The following KIAA1549L variants were observed in gnomAD, a reference collection of about 807,000 sequenced individuals.
The protein encoded by KIAA1549L is UPF0606 protein KIAA1549L.
A neutral mutation model predicts 160.7 loss-of-function variants in KIAA1549L; 88 were observed. The ratio of observed to expected loss-of-function variants is 0.55; its 90% CI spans 0.46 to 0.65. The LOEUF (loss-of-function observed/expected upper bound fraction) is 0.65. KIAA1549L is among the 30% of genes least tolerant of loss of function. The pLI is 0.00. For synonymous variants in KIAA1549L, 950 were observed against 976.7 expected, an observed-to-expected ratio of 0.97 and a Z score of 0.51; for missense variants, 2,258 against 2,437.5, an observed-to-expected ratio of 0.93 and a Z score of 1.55.
At chr11:33,438,847 GTTTT>G (rs35955927) in intron 1 of KIAA1549L, among the ~76,000 whole-genome samples, 9,854 of 139,564 alleles carry the variant, frequency 0.071, 392 homozygotes, top group East Asian at 0.17. Flanking sequence ...GGATTTGAAG[GTTTT>G]TTTTTTTTTT....
chr11:33,670,308 A>T lies in KIAA1549L; in HGVS notation c.*2154A>T, dbSNP rs1852629494. The T allele has an allele frequency of 6.6e-6, 1 of 152,228 alleles. No homozygotes were observed. Among genetic ancestry groups the T allele is most frequent in the South Asian group, 2.1e-4 (1 of 4,832 alleles). The allele number at this position is 152,228 out of a possible 1,614,324, so 9.4% of individuals were successfully genotyped here. ...ATTGAAGTATACGTAAATGTTTCAGAAGACAGTGTCTGAAATTTGGCTGTT... is the reference window on the plus strand; with the variant it reads ...ATTGAAGTATACGTAAATGTTTCAGTAGACAGTGTCTGAAATTTGGCTGTT... On this transcript the variant is annotated 3_prime_UTR_variant, in exon 21 of 21. Coordinates refer to ENST00000658780, the MANE Select transcript of KIAA1549L (RefSeq NM_012194.3).
intron 16 of KIAA1549L, among the ~76,000 whole-genome samples, chr11:33,639,451 A>G (rs1851529156): frequency 6.6e-6 from 1 of 152,204 alleles, no homozygotes; most frequent in Non-Finnish European, 1.5e-5. Flanking sequence ...CTCCAAAACT[A>G]TAATTACGTG....
At chr11:33,381,774 A>AG (rs1312390065) in intron 1 of KIAA1549L, among the ~76,000 whole-genome samples, 1 of 152,188 alleles carries the variant, frequency 6.6e-6, no homozygotes, top group Non-Finnish European at 1.5e-5. Context: ...TGGCTTAGAG[A>AG]GGGTGGTAGC....
At chr11:33,384,467 G>T (rs1850132836) in intron 1 of KIAA1549L, among the ~76,000 whole-genome samples, 1 of 152,140 alleles carries the variant, frequency 6.6e-6, no homozygotes, top group Non-Finnish European at 1.5e-5. Flanking sequence ...GGGTGGGATT[G>T]CTTGGTCATG....
intron 1 of KIAA1549L, among the ~76,000 whole-genome samples, chr11:33,483,356 G>A (rs907556182): frequency 2.0e-5 from 3 of 152,258 alleles, no homozygotes; most frequent in Admixed American, 6.5e-5. Context: ...TTGGGAAGGC[G>A]AACCTTGAGC....
rs34208718 is a variant in KIAA1549L, at chr11:33,408,489, G to GTGTATATATA, written c.238+31601_238+31602insGTATATATAT. On this transcript the variant is annotated intron_variant, in intron 1 of 20. Transcript: ENST00000658780. ...ATATATATACATACTCTGTATATGT[G>GTGTATATATA]TATATATATATATATATATATACAC... Among the ~76,000 whole-genome samples the GTGTATATATA allele has an allele frequency of 3.7e-3, 460 of 123,036 alleles. 4 individuals carry two copies. Among genetic ancestry groups the GTGTATATATA allele is most frequent in the South Asian group, 0.021 (86 of 4,044 alleles). The allele number at this position is 123,036 out of a possible 152,430, so 80.7% of individuals were successfully genotyped here.
chr11:33,637,729 C>T (rs988443002), intron 16 of KIAA1549L, among the ~76,000 whole-genome samples: 2 of 152,214 alleles, frequency 1.3e-5, no homozygotes, highest in African/African-American at 4.8e-5. Context: ...TTCATATCGG[C>T]TTCCCTTTGT....
intron 1 of KIAA1549L, among the ~76,000 whole-genome samples, chr11:33,435,996 AAAT>A (rs1851372817): frequency 6.7e-6 from 1 of 149,178 alleles, no homozygotes; most frequent in Non-Finnish European, 1.5e-5. Flanking sequence ...AAAATGATAC[AAAT>A]AATAAACTAA....
At chr11:33,438,000 T>C (rs1371663466) in intron 1 of KIAA1549L, among the ~76,000 whole-genome samples, 1 of 152,206 alleles carries the variant, frequency 6.6e-6, no homozygotes, top group Non-Finnish European at 1.5e-5. Flanking sequence ...TCTCCAGCCC[T>C]GTCCAGACCA....
chr11:33,602,404 A>C (rs1850388468), intron 13 of KIAA1549L, among the ~76,000 whole-genome samples: 1 of 152,238 alleles, frequency 6.6e-6, no homozygotes, highest in South Asian at 2.1e-4. Flanking sequence ...TTATCTAATA[A>C]ATAATACTAG....
At chr11:33,592,268 C>A (rs542290037) in intron 12 of KIAA1549L, among the ~76,000 whole-genome samples, 1 of 152,108 alleles carries the variant, frequency 6.6e-6, no homozygotes, top group African/African-American at 2.4e-5. Flanking sequence ...ATCTAGGCAA[C>A]GGGGAGCCAC....
chr11:33,443,254 C>T (rs985752285), intron 1 of KIAA1549L, among the ~76,000 whole-genome samples: 4 of 152,078 alleles, frequency 2.6e-5, no homozygotes, highest in African/African-American at 9.7e-5. Flanking sequence ...CCTGCCTTGG[C>T]CTCCCACAGT....
chr11:33,475,368 A>G (rs1047522055), intron 1 of KIAA1549L, among the ~76,000 whole-genome samples: 5 of 152,176 alleles, frequency 3.3e-5, no homozygotes, highest in African/African-American at 7.2e-5. Flanking sequence ...ACAAAAGTGC[A>G]TATCAGATTT....
chr11:33,524,851 A>G (rs979247399), intron 1 of KIAA1549L, among the ~76,000 whole-genome samples: 3 of 152,208 alleles, frequency 2.0e-5, no homozygotes, highest in African/African-American at 7.2e-5. Context: ...GCTTGTAAAA[A>G]TAAGCAGACT....
At chr11:33,529,430 C>T (rs1457528357) in intron 1 of KIAA1549L, among the ~76,000 whole-genome samples, 1 of 152,068 alleles carries the variant, frequency 6.6e-6, no homozygotes, top group Non-Finnish European at 1.5e-5. Context: ...ATCATGATAA[C>T]AAATGTTTAT....
intron 1 of KIAA1549L, among the ~76,000 whole-genome samples, chr11:33,429,187 G>T (rs377412780): frequency 6.6e-6 from 1 of 152,136 alleles, no homozygotes; most frequent in Admixed American, 6.5e-5. Flanking sequence ...GGCCAGGCTG[G>T]TCTCAAACTC....
intron 1 of KIAA1549L, among the ~76,000 whole-genome samples, chr11:33,422,027 A>G (rs1039539121): frequency 6.6e-6 from 1 of 152,110 alleles, no homozygotes; most frequent in Non-Finnish European, 1.5e-5. Flanking sequence ...AATTCTCATC[A>G]TGGCAATTGC....
intron 4 of KIAA1549L, among the ~76,000 whole-genome samples, chr11:33,550,714 A>G (rs1389348231): frequency 1.3e-5 from 2 of 152,230 alleles, no homozygotes; most frequent in Admixed American, 1.3e-4. Flanking sequence ...TTCACTGAAA[A>G]TCTCTTTGAA....
At chr11:33,570,666 G>A (rs990399379) in intron 9 of KIAA1549L, among the ~76,000 whole-genome samples, 6 of 152,138 alleles carry the variant, frequency 3.9e-5, no homozygotes, top group Non-Finnish European at 8.8e-5. Context: ...CATTTTAAAA[G>A]ATGAGCTACC....
Sources: gnomAD v4.1 joint callset for allele counts (sites outside exome capture counted in the v4.1 genomes callset) on GRCh38, gnomAD v4.1.1 for gene constraint, MANE v1.5 for transcripts, NCBI Gene and HGNC (gene_info 2026-07-23, HGNC 2026-07-21) for gene names.